Variants in FAM117B observed in about 807,000 individuals in gnomAD.
FAM117B encodes protein FAM117B.
FAM117B carries 22 observed loss-of-function variants against 52.8 expected under a neutral mutation model. The ratio of observed to expected loss-of-function variants is 0.42; its 90% CI spans 0.30 to 0.59. The LOEUF (loss-of-function observed/expected upper bound fraction) is 0.59. FAM117B is among the 20% of genes least tolerant of loss of function. The probability of loss-of-function intolerance (pLI) is 0.22; values close to 1 mark genes in which losing one functional copy is unlikely to be tolerated. For missense variants in FAM117B, 678 were observed against 802.6 expected, an observed-to-expected ratio of 0.84 and a Z score of 1.88; for synonymous variants, 309 against 324.1, an observed-to-expected ratio of 0.95 and a Z score of 0.50.
rs1372453823 is a variant in FAM117B, at chr2:202,644,053, GTTTTTTTTTTGT to G, written c.601+8276_601+8287del. The stretch of plus-strand genomic sequence containing the variant: ...ATGCTATACTACTGCTTTAGGAGCT[GTTTTTTTTTTGT>G]TTTTTTTTTTTTTTTTTTTCAGTTT... On this transcript the variant is annotated intron_variant, in intron 1 of 7. Transcript: ENST00000392238. Among the ~76,000 whole-genome samples, 57 of 60,158 alleles carry G rather than the reference GTTTTTTTTTTGT, an allele frequency of 9.5e-4. 1 individual carries two copies. The highest frequency in any genetic ancestry group is 5.1e-3 in the East Asian group (11 of 2,138). 39.5% of individuals were successfully genotyped at this position (60,158 alleles called of 152,430 possible).
chr2:202,655,045 T>C (rs1045000073), intron 1 of FAM117B, among the ~76,000 whole-genome samples: 4 of 151,952 alleles, frequency 2.6e-5, no homozygotes, highest in Admixed American at 1.3e-4. Context: ...ATTTAATGCT[T>C]TTTCTGGAGT....
intron 4 of FAM117B, among the ~76,000 whole-genome samples, chr2:202,749,918 G>A (rs1284208228): frequency 6.6e-6 from 1 of 152,126 alleles, no homozygotes; most frequent in East Asian, 1.9e-4. Flanking sequence ...ATTGAAAACT[G>A]TAGAAATAAA....
intron 4 of FAM117B, among the ~76,000 whole-genome samples, chr2:202,749,910 T>C (rs1691697292): frequency 6.6e-6 from 1 of 152,226 alleles, no homozygotes; most frequent in Admixed American, 6.5e-5. Flanking sequence ...TTAAGTCTAT[T>C]GAAAACTGTA....
At chr2:202,692,260 C>A (rs1039678780) in intron 1 of FAM117B, among the ~76,000 whole-genome samples, 7 of 151,864 alleles carry the variant, frequency 4.6e-5, no homozygotes, top group African/African-American at 1.7e-4. Flanking sequence ...TTTTTAAAGC[C>A]CCTATGAAAG....
intron 1 of FAM117B, among the ~76,000 whole-genome samples, chr2:202,654,274 A>G (rs911302950): frequency 4.0e-5 from 6 of 151,740 alleles, no homozygotes; most frequent in Admixed American, 1.3e-4. Context: ...AAAAAAAAAA[A>G]TCTCAGAGTT....
At position 202,695,952 on chromosome 2, in the gene FAM117B, G is replaced by A. The variant is rs748455420; in HGVS notation, c.673G>A (p.Ala225Thr). Reference sequence around the variant, plus strand: ...ACGCACTTCCTCCCTGGATACTCTTGCTGCACCGTATCTTGCTGGACACTG... The same window carrying A: ...ACGCACTTCCTCCCTGGATACTCTTACTGCACCGTATCTTGCTGGACACTG... ...IRRTSSLDTL[A>T]APYLAGHWPR... Residue 225 changes from alanine to threonine, a missense_variant, in exon 2 of 8, where the codon GCT (alanine) becomes ACT (threonine). By Grantham distance (58) the Ala-to-Thr change is moderately conservative. This residue lies in a region of FAM117B where 583 missense variants were observed against 644.8 expected (regional missense o/e 0.90). Coordinates refer to ENST00000392238, the MANE Select transcript of FAM117B (RefSeq NM_173511.4). The A allele has an allele frequency of 1.2e-6, 2 of 1,613,958 alleles. No individual in the cohort carries two copies. The highest frequency in any genetic ancestry group is 1.7e-6 in the Non-Finnish European group (2 of 1,179,998).
Position 202,766,061 on chromosome 2 carries a change from AACACACACACACACACACAC to A in FAM117B, c.*324_*343del, listed in dbSNP as rs34556556. ...TTGTTTTCGAATTAGACTTCTTTAA[AACACACACACACACACACAC>A]ACACACACACACACACACACACACA... On this transcript the variant is annotated 3_prime_UTR_variant, in exon 8 of 8. Coordinates refer to ENST00000392238, the MANE Select transcript of FAM117B (RefSeq NM_173511.4). 254 of 203,092 alleles carry A rather than the reference AACACACACACACACACACAC, an allele frequency of 1.3e-3. 1 individual carries two copies. Among genetic ancestry groups the A allele is most frequent in the East Asian group, 9.9e-3 (69 of 6,970 alleles). The allele number at this position is 203,092 out of a possible 1,614,324, so 12.6% of individuals were successfully genotyped here.
At chr2:202,699,529 C>T (rs1158882843) in intron 2 of FAM117B, among the ~76,000 whole-genome samples, 1 of 147,798 alleles carries the variant, frequency 6.8e-6, no homozygotes, top group Non-Finnish European at 1.5e-5. Context: ...GTAGAATCTC[C>T]TAAAGGATAA....
chr2:202,691,831 G>A (rs533181351), intron 1 of FAM117B, among the ~76,000 whole-genome samples: 1 of 152,134 alleles, frequency 6.6e-6, no homozygotes, highest in Non-Finnish European at 1.5e-5. Flanking sequence ...AGTTAATAAT[G>A]TGGGTACATA....
chr2:202,668,106 TAA>T (rs560330643), intron 1 of FAM117B, among the ~76,000 whole-genome samples: 1 of 138,682 alleles, frequency 7.2e-6, no homozygotes, highest in Non-Finnish European at 1.5e-5. Context: ...TATATTTATA[TAA>T]AAAATATTTT....
chr2:202,765,334 A>G, intron 7 of FAM117B, 112 bp from the exon 8 acceptor site: 1 of 1,042,698 alleles, frequency 9.6e-7, no homozygotes, highest in Non-Finnish European at 1.4e-6. Context: ...CTTTTCTGTG[A>G]TGTAAGTTAA....
At chr2:202,762,388 C>G (rs1253954196) in intron 7 of FAM117B, among the ~76,000 whole-genome samples, 1 of 152,098 alleles carries the variant, frequency 6.6e-6, no homozygotes, top group Non-Finnish European at 1.5e-5. Context: ...CAGCACATAC[C>G]ATAGCCATGT....
At chr2:202,701,096 C>G (rs542925971) in intron 2 of FAM117B, among the ~76,000 whole-genome samples, 2 of 152,266 alleles carry the variant, frequency 1.3e-5, no homozygotes, top group East Asian at 3.9e-4. Context: ...AAGGAACAGG[C>G]CAACTCTCTT....
intron 4 of FAM117B, among the ~76,000 whole-genome samples, chr2:202,747,413 G>A (rs1463175721): frequency 1.3e-5 from 2 of 152,014 alleles, no homozygotes; most frequent in Non-Finnish European, 2.9e-5. Flanking sequence ...TAGTACTGGG[G>A]GTCCTAGCCA....
At chr2:202,730,446 G>T (rs1416675117) in intron 4 of FAM117B, among the ~76,000 whole-genome samples, 1 of 152,104 alleles carries the variant, frequency 6.6e-6, no homozygotes, top group African/African-American at 2.4e-5. Context: ...GAGGCGGGTG[G>T]GTTGCTTTAG....
At position 202,741,204 on chromosome 2, in the gene FAM117B, G is replaced by A. The variant is rs186263472; in HGVS notation, c.961-14334G>A. 3.5e-4 allele frequency among the ~76,000 whole-genome samples: 53 copies of A among 151,958 alleles called. 1 individual carries two copies. Among genetic ancestry groups the A allele is most frequent in the Admixed American group, 4.6e-4 (7 of 15,266 alleles). ...TGGGAGGCTAAGGCAGGCGGATCACGAGGTCAGGAGATCAAGACCATCCTG... is the reference window on the plus strand; with the variant it reads ...TGGGAGGCTAAGGCAGGCGGATCACAAGGTCAGGAGATCAAGACCATCCTG... On this transcript the variant is annotated intron_variant, in intron 4 of 7. Transcript: ENST00000392238.
chr2:202,707,496 G>A (rs1690891075), intron 2 of FAM117B, among the ~76,000 whole-genome samples: 1 of 151,904 alleles, frequency 6.6e-6, no homozygotes, highest in Non-Finnish European at 1.5e-5. Context: ...TTGAGCTCAG[G>A]AGTTCAAGAC....
chr2:202,706,591 T>G (rs1690871603), intron 2 of FAM117B, among the ~76,000 whole-genome samples: 1 of 152,238 alleles, frequency 6.6e-6, no homozygotes, highest in Admixed American at 6.5e-5. Context: ...ACAAACTTGT[T>G]TACAGGTTGT....
At chr2:202,657,703 CT>C (rs1690073264) in intron 1 of FAM117B, among the ~76,000 whole-genome samples, 1 of 151,864 alleles carries the variant, frequency 6.6e-6, no homozygotes, top group South Asian at 2.1e-4. Flanking sequence ...CTAAGCTGGT[CT>C]CGACCTCGTA....
Sources: allele counts gnomAD v4.1 joint callset (sites outside exome capture counted in the v4.1 genomes callset), GRCh38; gene constraint gnomAD v4.1.1; regional missense constraint gnomAD v4.1.1; transcripts MANE v1.5; gene names NCBI Gene and HGNC (gene_info 2026-07-23, HGNC 2026-07-21).